ZNF280D: variants seen among roughly 807,000 people sequenced by gnomAD.
The protein encoded by ZNF280D is zinc finger protein 280D.
A neutral mutation model predicts 94.7 loss-of-function variants in ZNF280D; 39 were observed. The observed-to-expected ratio is 0.41, with a 90% CI of 0.32 to 0.54. ZNF280D has a LOEUF of 0.54. Among genes scored for constraint, ZNF280D ranks in the 20% least tolerant of loss-of-function variants. The pLI is 0.22. For missense variants in ZNF280D, 1,090 were observed against 1,149.3 expected, an observed-to-expected ratio of 0.95 and a Z score of 0.75; for synonymous variants, 398 against 377.6, an observed-to-expected ratio of 1.05 and a Z score of -0.63.
chr15:56,640,522 T>C (rs1250351222), intron 20 of ZNF280D, among the ~76,000 whole-genome samples: 1 of 152,150 alleles, frequency 6.6e-6, no homozygotes, highest in African/African-American at 2.4e-5. Context: ...AGCTTAAACT[T>C]AAAGATTTTA....
At chr15:56,668,733 C>T (rs1380326026) in intron 14 of ZNF280D, 90 bp downstream of exon 14, 1 of 1,213,394 alleles carries the variant, frequency 8.2e-7, no homozygotes, top group Non-Finnish European at 1.1e-6. Context: ...AATCTGAAGT[C>T]ATTTAAAAAT....
At chr15:56,661,946 T>C (rs560166026) in intron 16 of ZNF280D, among the ~76,000 whole-genome samples, 1 of 152,314 alleles carries the variant, frequency 6.6e-6, no homozygotes, top group South Asian at 2.1e-4. Flanking sequence ...TCCACATGTA[T>C]ACAGTGAAGG....
intron 1 of ZNF280D, among the ~76,000 whole-genome samples, chr15:56,715,788 C>A (rs2058012739): frequency 6.6e-6 from 1 of 152,048 alleles, no homozygotes; most frequent in South Asian, 2.1e-4. Flanking sequence ...ATCTACATGA[C>A]AGAAGGTCAT....
At chr15:56,660,573 C>T (rs1242219645) in intron 16 of ZNF280D, among the ~76,000 whole-genome samples, 1 of 151,884 alleles carries the variant, frequency 6.6e-6, no homozygotes, top group African/African-American at 2.4e-5. Context: ...AAAAATACTA[C>T]CCTTCTTCCT....
chr15:56,731,580 C>A lies in ZNF280D; in HGVS notation c.-86+1878G>T, dbSNP rs76228020. Among the ~76,000 whole-genome samples, 123 of 150,184 alleles carry A rather than the reference C, an allele frequency of 8.2e-4. 3 individuals carry two copies. The East Asian group carries it at 0.021, about 25-fold the overall frequency. On this transcript the variant is annotated intron_variant, in intron 1 of 21. Coordinates refer to ENST00000267807, the MANE Select transcript of ZNF280D (RefSeq NM_017661.4). ...GGGGGAAATGTGAATATATACTACA[C>A]CACGTTAGATTTTAAGGAATATTCT...
At chr15:56,721,088 G>A (rs563853958) in intron 1 of ZNF280D, among the ~76,000 whole-genome samples, 61 of 151,502 alleles carry the variant, frequency 4.0e-4, no homozygotes, top group Non-Finnish European at 7.7e-4. Flanking sequence ...TCAGCCTCCC[G>A]AATAACTGGG....
chr15:56,684,741 GA>G (rs201389852), intron 9 of ZNF280D, among the ~76,000 whole-genome samples: 3 of 150,170 alleles, frequency 2.0e-5, no homozygotes, highest in Non-Finnish European at 3.0e-5. Context: ...TTAAGGATTA[GA>G]AAAAAAAAGA....
At chr15:56,728,275 C>T (rs1379985822) in intron 1 of ZNF280D, among the ~76,000 whole-genome samples, 1 of 152,178 alleles carries the variant, frequency 6.6e-6, no homozygotes, top group African/African-American at 2.4e-5. Flanking sequence ...CTGCCTTGGC[C>T]TCCCAAAGTG....
intron 14 of ZNF280D, among the ~76,000 whole-genome samples, chr15:56,667,305 T>C (rs2054361541): frequency 6.6e-6 from 1 of 152,162 alleles, no homozygotes; most frequent in Admixed American, 6.6e-5. Flanking sequence ...TGACTTAACT[T>C]TAAGAAATTC....
intron 1 of ZNF280D, among the ~76,000 whole-genome samples, chr15:56,728,185 G>A (rs1241056642): frequency 1.3e-5 from 2 of 152,054 alleles, no homozygotes; most frequent in South Asian, 2.1e-4. Flanking sequence ...CACTACACCC[G>A]GCTAATTTTT....
At chr15:56,669,303 G>A (rs1264975681) in intron 13 of ZNF280D, among the ~76,000 whole-genome samples, 4 of 151,876 alleles carry the variant, frequency 2.6e-5, no homozygotes, top group African/African-American at 9.7e-5. Context: ...CCTAGAAAAA[G>A]GAAATTATTT....
At chr15:56,641,793 G>T (rs1388148872) in intron 20 of ZNF280D, among the ~76,000 whole-genome samples, 1 of 151,562 alleles carries the variant, frequency 6.6e-6, no homozygotes, top group African/African-American at 2.4e-5. Context: ...ATGTAAATGC[G>T]ATAAACAGAA....
At chr15:56,680,689 C>T (rs1471704993) in intron 10 of ZNF280D, among the ~76,000 whole-genome samples, 1 of 152,122 alleles carries the variant, frequency 6.6e-6, no homozygotes, top group East Asian at 1.9e-4. Flanking sequence ...GTTCTCCAGG[C>T]TGGTCTGGAA....
At chr15:56,676,908 C>T in intron 12 of ZNF280D, 92 bp from the exon 13 acceptor site, 1 of 981,016 alleles carries the variant, frequency 1.0e-6, no homozygotes, top group Non-Finnish European at 1.5e-6. Context: ...GTCAGGAGAA[C>T]ATTATGTACT....
At chr15:56,731,411 G>A (rs1394293859) in intron 1 of ZNF280D, among the ~76,000 whole-genome samples, 2 of 150,792 alleles carry the variant, frequency 1.3e-5, no homozygotes, top group East Asian at 3.9e-4. Context: ...GCCGAGGTGG[G>A]AGGATGGCTT....
intron 20 of ZNF280D, among the ~76,000 whole-genome samples, chr15:56,641,825 G>C (rs1373077465): frequency 6.6e-6 from 1 of 151,702 alleles, no homozygotes; most frequent in Admixed American, 6.6e-5. Flanking sequence ...ATAAAGAAAT[G>C]AAGAGTATAG....
chr15:56,674,773 T>C (rs566883310), intron 13 of ZNF280D, among the ~76,000 whole-genome samples: 2 of 152,074 alleles, frequency 1.3e-5, no homozygotes, highest in Non-Finnish European at 2.9e-5. Flanking sequence ...AATGAGCATA[T>C]TTAACACATC....
intron 19 of ZNF280D, among the ~76,000 whole-genome samples, chr15:56,646,588 T>C (rs2052903787): frequency 6.6e-6 from 1 of 152,218 alleles, no homozygotes; most frequent in Non-Finnish European, 1.5e-5. Context: ...GAATTATCAA[T>C]ATATTTATAT....
chr15:56,700,869 T>A, intron 6 of ZNF280D, 64 bp downstream of exon 6: 1 of 1,612,770 alleles, frequency 6.2e-7, no homozygotes, highest in Non-Finnish European at 8.5e-7. Context: ...CTGGGTACTG[T>A]TGATATTGAT....
Sources: gnomAD v4.1 joint callset for allele counts (sites outside exome capture counted in the v4.1 genomes callset) on GRCh38, gnomAD v4.1.1 for gene constraint, MANE v1.5 for transcripts, NCBI Gene and HGNC (gene_info 2026-07-23, HGNC 2026-07-21) for gene names.